Variants in INTS9 observed in about 807,000 individuals in gnomAD.
INTS9 encodes protein related to CPSF subunits of 74 kDa.
A neutral mutation model predicts 79.7 loss-of-function variants in INTS9; 55 were observed. That is an observed-to-expected ratio of 0.69 (90% CI 0.56 to 0.86). The LOEUF (loss-of-function observed/expected upper bound fraction) is 0.86, where lower values mean the gene tolerates loss of function less well. Among genes scored for constraint, INTS9 ranks in the 40% least tolerant of loss-of-function variants. The pLI, the probability that INTS9 is intolerant of heterozygous loss-of-function variation, is 0.00. For missense variants in INTS9, 721 were observed against 831.5 expected, an observed-to-expected ratio of 0.87 and a Z score of 1.64; for synonymous variants, 319 against 325.2, an observed-to-expected ratio of 0.98 and a Z score of 0.20.
chr8:28,863,710 A>T (rs1808576016), intron 1 of INTS9, among the ~76,000 whole-genome samples: 1 of 152,222 alleles, frequency 6.6e-6, no homozygotes, highest in Non-Finnish European at 1.5e-5. Context: ...TGAGCCCAGG[A>T]GGCAGAGGTT....
chr8:28,865,636 C>T (rs1010229011), intron 1 of INTS9, among the ~76,000 whole-genome samples: 4 of 152,032 alleles, frequency 2.6e-5, no homozygotes, highest in African/African-American at 9.7e-5. Context: ...GACAGAATTA[C>T]AAAGATTTCT....
chr8:28,775,007 C>A (rs1423541360), intron 14 of INTS9, among the ~76,000 whole-genome samples: 1 of 152,198 alleles, frequency 6.6e-6, no homozygotes, highest in African/African-American at 2.4e-5. Context: ...TGCAAGTATG[C>A]TCAAGAGGAT....
At position 28,861,269 on chromosome 8, in the gene INTS9, G is replaced by A. The variant is rs572220444; in HGVS notation, c.10-1706C>T. On this transcript the variant is annotated intron_variant, in intron 1 of 16. Transcript: ENST00000521022. ...TCCTAATTAAGACAGAGATATTCCT[G>A]TCCCCACCCTCCATCTGGTTCCCTA... is the stretch of plus-strand genomic sequence containing the variant. Among the ~76,000 whole-genome samples, 10 of 152,218 alleles carry A rather than the reference G, an allele frequency of 6.6e-5. No homozygotes were observed. The East Asian group carries it at 1.9e-3, about 29-fold the overall frequency.
At chr8:28,828,965 G>A (rs1459684451) in intron 6 of INTS9, among the ~76,000 whole-genome samples, 1 of 152,132 alleles carries the variant, frequency 6.6e-6, no homozygotes. Flanking sequence ...TTATAGGCAT[G>A]AGCCACCACG....
intron 4 of INTS9, among the ~76,000 whole-genome samples, chr8:28,838,748 C>G (rs975922912): frequency 2.4e-4 from 36 of 152,178 alleles, no homozygotes; most frequent in African/African-American, 8.4e-4. Flanking sequence ...CTCAAACTCC[C>G]GGCCTCAAGT....
At chr8:28,813,265 C>T (rs1210186834) in intron 7 of INTS9, among the ~76,000 whole-genome samples, 1 of 152,112 alleles carries the variant, frequency 6.6e-6, no homozygotes, top group Non-Finnish European at 1.5e-5. Context: ...CGCCTTTCTC[C>T]GGACTCCCTG....
chr8:28,830,480 C>T (rs1257948713), intron 6 of INTS9, among the ~76,000 whole-genome samples: 2 of 151,654 alleles, frequency 1.3e-5, no homozygotes, highest in Admixed American at 6.6e-5. Flanking sequence ...CAAAAATTAG[C>T]GGGCATGGTG....
intron 1 of INTS9, among the ~76,000 whole-genome samples, chr8:28,879,506 C>T (rs1433558488): frequency 6.6e-6 from 1 of 152,096 alleles, no homozygotes; most frequent in African/African-American, 2.4e-5. Flanking sequence ...AGATGAGGAA[C>T]AAATCAATGA....
chr8:28,791,135 TAG>T (rs1803895459), intron 10 of INTS9, among the ~76,000 whole-genome samples: 1 of 152,136 alleles, frequency 6.6e-6, no homozygotes, highest in Non-Finnish European at 1.5e-5. Flanking sequence ...TCCAGGATGG[TAG>T]AGACTGGAGT....
At chr8:28,771,117 T>C (rs1281179639) in intron 14 of INTS9, 37 bp from the exon 15 acceptor site, 20 of 1,336,996 alleles carry the variant, frequency 1.5e-5, no homozygotes, top group Non-Finnish European at 2.1e-5. Context: ...TGGGGGCCTT[T>C]AATGATGACC....
intron 7 of INTS9, 26 bp from the exon 8 acceptor site, chr8:28,812,487 T>A (rs1805209361): frequency 1.2e-6 from 2 of 1,607,350 alleles, no homozygotes; most frequent in Non-Finnish European, 8.5e-7. Flanking sequence ...AGTAAGAATG[T>A]GCAATGAGCT....
chr8:28,847,336 T>G (rs1563294165), intron 3 of INTS9, among the ~76,000 whole-genome samples: 1 of 152,108 alleles, frequency 6.6e-6, no homozygotes, highest in African/African-American at 2.4e-5. Context: ...TACCAAGGGT[T>G]GGGAGGAAAG....
intron 11 of INTS9, among the ~76,000 whole-genome samples, chr8:28,786,595 A>C (rs1803604578): frequency 6.6e-6 from 1 of 151,788 alleles, no homozygotes; most frequent in South Asian, 2.1e-4. Context: ...ACCTGACCAA[A>C]TTCTAGATTT....
intron 15 of INTS9, 79 bp downstream of exon 15, chr8:28,770,903 A>T: frequency 1.0e-6 from 1 of 982,274 alleles, no homozygotes; most frequent in Non-Finnish European, 1.6e-6. Flanking sequence ...ATGAAGCGCT[A>T]TTTCAAATAT....
intron 2 of INTS9, 57 bp downstream of exon 2, chr8:28,859,379 G>A (rs944762220): frequency 3.1e-5 from 49 of 1,592,580 alleles, no homozygotes; most frequent in Middle Eastern, 3.3e-4. Context: ...CATACTAATG[G>A]TACCATTTTT....
intron 2 of INTS9, among the ~76,000 whole-genome samples, chr8:28,852,616 G>C (rs986414383): frequency 5.3e-5 from 8 of 152,138 alleles, no homozygotes; most frequent in African/African-American, 1.9e-4. Flanking sequence ...CTGGATCAAA[G>C]GACACACACT....
chr8:28,812,301 G>A, intron 8 of INTS9, 26 bp downstream of exon 8: 1 of 1,609,152 alleles, frequency 6.2e-7, no homozygotes, highest in Non-Finnish European at 8.5e-7. Context: ...AAAAAGCTGA[G>A]TTGCTAGAAG....
In INTS9 at chr8:28,859,464, T is replaced by A; in HGVS notation, c.109A>T (p.Asn37Tyr). ...DCGLDMTSTL[N>Y]FLPLPLVQSP... The stretch of plus-strand genomic sequence containing the variant: ...TGAACAAGTGGCAAAGGAAGGAAAT[T>A]GAGGGTAGAAGTCATGTCCAGTCCG... The change falls in exon 2 of 17, where the codon AAT becomes TAT. Residue 37 changes from asparagine to tyrosine, a missense_variant. This residue lies in a region of INTS9 where 291 missense variants were observed against 307.0 expected (regional missense o/e 0.95). Coordinates refer to ENST00000521022, the MANE Select transcript of INTS9 (RefSeq NM_018250.4). 1.9e-6 allele frequency: 3 copies of A among 1,614,150 alleles called. No individual in the cohort carries two copies. Among genetic ancestry groups the A allele is most frequent in the South Asian group, 1.1e-5 (1 of 91,080 alleles).
At chr8:28,845,288 A>G (rs956465226) in intron 4 of INTS9, among the ~76,000 whole-genome samples, 3 of 152,246 alleles carry the variant, frequency 2.0e-5, no homozygotes, top group African/African-American at 7.2e-5. Context: ...CCCACAAGTC[A>G]GTGAAGACTG....
Sources: gnomAD v4.1 joint callset for allele counts (sites outside exome capture counted in the v4.1 genomes callset) on GRCh38, gnomAD v4.1.1 for gene constraint, gnomAD v4.1.1 regional missense constraint, MANE v1.5 for transcripts, NCBI Gene and HGNC (gene_info 2026-07-23, HGNC 2026-07-21) for gene names.